POC1B: variants seen among roughly 807,000 people sequenced by gnomAD.
POC1B encodes POC1 centriolar protein B.
POC1B carries 44 observed loss-of-function variants against 60.6 expected under a neutral mutation model. That is an observed-to-expected ratio of 0.73 (90% confidence interval 0.57 to 0.93). The LOEUF (loss-of-function observed/expected upper bound fraction) is 0.93. Ranked by LOEUF, POC1B falls within the 40% of genes least tolerant of loss-of-function variation. The pLI, the probability that POC1B is intolerant of heterozygous loss-of-function variation, is 0.00. For synonymous variants in POC1B, 180 were observed against 198.9 expected, an observed-to-expected ratio of 0.90 and a Z score of 0.80; for missense variants, 555 against 572.3, an observed-to-expected ratio of 0.97 and a Z score of 0.31.
intron 4 of POC1B, among the ~76,000 whole-genome samples, chr12:89,490,117 A>G (rs1261782220): frequency 6.6e-6 from 1 of 152,144 alleles, no homozygotes; most frequent in African/African-American, 2.4e-5. Flanking sequence ...ACAAAGAGAG[A>G]GGCGTAACAG....
At chr12:89,429,670 A>T (rs965027664) in intron 10 of POC1B, among the ~76,000 whole-genome samples, 4 of 152,328 alleles carry the variant, frequency 2.6e-5, no homozygotes, top group African/African-American at 9.6e-5. Context: ...TTGCGATGAG[A>T]GAATTCAGAC....
chr12:89,491,002 A>G (rs1417165453), intron 4 of POC1B, among the ~76,000 whole-genome samples: 2 of 152,082 alleles, frequency 1.3e-5, no homozygotes, highest in African/African-American at 4.8e-5. Context: ...CAGCAGTCTG[A>G]GCAATTCCAG....
rs758999483 is a variant in POC1B at position 89,459,624 on chromosome 12, A to C, written c.1113+14T>G. ...CACTTAAGTGTCAAAAAAAAAAAAA[A>C]AAACCCGACTTACTGTGGTAGAATC... On this transcript the variant is annotated intron_variant, in intron 10 of 11. Transcript: ENST00000313546. The C allele has an allele frequency of 2.1e-6, 3 of 1,398,530 alleles. No homozygotes were observed. Among genetic ancestry groups the C allele is most frequent in the Middle Eastern group, 1.9e-4 (1 of 5,264 alleles). 86.6% of individuals were successfully genotyped at this position (1,398,530 alleles called of 1,614,324 possible). A position where few individuals can be genotyped will look rare whatever the true frequency, so the allele number is the denominator to read the frequency against.
chr12:89,496,793 C>T (rs562665138), intron 3 of POC1B, among the ~76,000 whole-genome samples: 1 of 152,162 alleles, frequency 6.6e-6, no homozygotes, highest in South Asian at 2.1e-4. Context: ...GATCCAAGGG[C>T]CCTTGAAGGA....
At chr12:89,451,903 GC>G (rs908085816) in intron 10 of POC1B, among the ~76,000 whole-genome samples, 4 of 152,136 alleles carry the variant, frequency 2.6e-5, no homozygotes, top group African/African-American at 9.7e-5. Flanking sequence ...AGCTCCAACA[GC>G]CCCACAAATG....
In POC1B at chr12:89,470,487, G is replaced by T; in HGVS notation, c.684C>A (p.Ser228Arg). 6.2e-7 allele frequency: 1 copy of T among 1,600,696 alleles called. No individual in the cohort carries two copies. The highest frequency in any genetic ancestry group is 8.5e-7 in the Non-Finnish European group (1 of 1,171,174). ...NKLLQHYQVH[S>R]GGVNCISFHP... ...GGAATGATATGCAATTAACTCCACC[G>T]CTGTGAACTGATTTGTAGAAAATAA... is the stretch of plus-strand genomic sequence containing the variant. The change falls in exon 7 of 12, where the codon AGC (serine) becomes AGA (arginine). Residue 228 changes from serine (S) to arginine (R), a missense_variant. Physicochemically the swap from Ser to Arg is moderately radical, Grantham distance 110. Coordinates refer to ENST00000313546, the MANE Select transcript of POC1B (RefSeq NM_172240.3).
chr12:89,445,530 G>A (rs1881742078), intron 10 of POC1B, among the ~76,000 whole-genome samples: 1 of 152,150 alleles, frequency 6.6e-6, no homozygotes, highest in Non-Finnish European at 1.5e-5. Flanking sequence ...TTAATAAATG[G>A]TGCTGGGAAA....
At chr12:89,451,508 AATTTT>A (rs71980463) in intron 10 of POC1B, among the ~76,000 whole-genome samples, 74,252 of 151,486 alleles carry the variant, frequency 0.49, 18,294 homozygotes, top group East Asian at 0.57. Flanking sequence ...AAAGCAACAT[AATTTT>A]ATTTATGTTT....
intron 4 of POC1B, among the ~76,000 whole-genome samples, chr12:89,490,703 C>T (rs1868920378): frequency 6.6e-6 from 1 of 152,110 alleles, no homozygotes; most frequent in South Asian, 2.1e-4. Context: ...GCAGAGTGTC[C>T]TATGAATAGG....
downstream of POC1B, among the ~76,000 whole-genome samples, chr12:89,415,639 T>C (rs948684470): frequency 2.1e-5 from 3 of 142,858 alleles, no homozygotes; most frequent in African/African-American, 8.4e-5. Context: ...CGAGACTCCG[T>C]CTCAAAAAAA....
intron 2 of POC1B, among the ~76,000 whole-genome samples, chr12:89,503,710 G>T (rs1354499020): frequency 6.6e-6 from 1 of 151,820 alleles, no homozygotes; most frequent in Non-Finnish European, 1.5e-5. Flanking sequence ...GGGAGGTGAG[G>T]AGCGTCTCTG....
At chr12:89,508,776 C>T (rs1007065251) in intron 2 of POC1B, among the ~76,000 whole-genome samples, 5 of 152,080 alleles carry the variant, frequency 3.3e-5, no homozygotes, top group African/African-American at 9.7e-5. Context: ...TCACAAGATC[C>T]GATGGTTTTA....
At chr12:89,408,571 C>T in the POC1B span, among the ~76,000 whole-genome samples, 4 of 151,064 alleles carry the variant, frequency 2.6e-5, no homozygotes, top group Admixed American at 6.6e-5. Flanking sequence ...CTGCAAGCTA[C>T]ACCTCCTGGG....
At chr12:89,444,621 T>C (rs1278963727) in intron 10 of POC1B, among the ~76,000 whole-genome samples, 2 of 152,132 alleles carry the variant, frequency 1.3e-5, no homozygotes, top group Non-Finnish European at 2.9e-5. Context: ...TAATAAGAAC[T>C]ATTTATGACA....
intron 10 of POC1B, among the ~76,000 whole-genome samples, chr12:89,454,379 C>A (rs995071761): frequency 3.9e-5 from 6 of 152,180 alleles, no homozygotes; most frequent in Non-Finnish European, 7.3e-5. Flanking sequence ...GTATTGCCTC[C>A]CGTCTGAGTA....
chr12:89,429,584 G>A (rs1880938815), intron 10 of POC1B: 1 of 152,088 alleles, frequency 6.6e-6, no homozygotes, highest in Non-Finnish European at 1.5e-5. Flanking sequence ...AATACTTACT[G>A]AGCATCTATC....
intron 7 of POC1B, among the ~76,000 whole-genome samples, chr12:89,469,209 G>A (rs1454388693): frequency 1.3e-5 from 2 of 152,130 alleles, no homozygotes; most frequent in African/African-American, 4.8e-5. Flanking sequence ...ACAGTGAGCC[G>A]AGATTGTGCC....
chr12:89,498,940 T>A (rs775441263), intron 2 of POC1B, among the ~76,000 whole-genome samples: 2 of 152,114 alleles, frequency 1.3e-5, no homozygotes, highest in African/African-American at 4.8e-5. Flanking sequence ...TACTCATCAA[T>A]GTTAGGTGGG....
chr12:89,449,223 T>C (rs542402012), intron 10 of POC1B, among the ~76,000 whole-genome samples: 1 of 152,310 alleles, frequency 6.6e-6, no homozygotes, highest in African/African-American at 2.4e-5. Flanking sequence ...TTGCTGTGTG[T>C]CTGTGAGGAA....
Sources: gnomAD v4.1 joint callset for allele counts (sites outside exome capture counted in the v4.1 genomes callset) on GRCh38, gnomAD v4.1.1 for gene constraint, MANE v1.5 for transcripts, NCBI Gene and HGNC (gene_info 2026-07-23, HGNC 2026-07-21) for gene names.